RANBP2: variants seen among roughly 807,000 people sequenced by gnomAD.
RANBP2 encodes E3 SUMO-protein ligase RanBP2.
A neutral mutation model predicts 303.6 loss-of-function variants in RANBP2; 57 were observed. That is an observed-to-expected ratio of 0.19 (90% CI 0.15 to 0.23). The LOEUF (loss-of-function observed/expected upper bound fraction) is 0.23. RANBP2 is among the 10% of genes least tolerant of loss of function. The pLI, the probability that RANBP2 is intolerant of heterozygous loss-of-function variation, is 1.00. For synonymous variants in RANBP2, 1,167 were observed against 1,301.5 expected (o/e 0.90, Z 2.23); for missense variants, 3,138 against 3,780.8 (o/e 0.83, Z 4.46).
At chr2:109,365,622 C>T in the RANBP2 span, among the ~76,000 whole-genome samples, 1 of 152,138 alleles carries the variant, frequency 6.6e-6, no homozygotes, top group Non-Finnish European at 1.5e-5. Context: ...TGCTAATACA[C>T]CTTTAACAAC....
chr2:108,979,908 G>A, the RANBP2 span, among the ~76,000 whole-genome samples: 1,559 of 152,266 alleles, frequency 0.01, 20 homozygotes, highest in Middle Eastern at 0.02. Context: ...ACTGCTGGGC[G>A]GTGGGAAGCA....
the RANBP2 span, among the ~76,000 whole-genome samples, chr2:109,035,313 T>TG: frequency 1.3e-5 from 2 of 151,990 alleles, no homozygotes; most frequent in Non-Finnish European, 2.9e-5. Context: ...TCCCCCAAGA[T>TG]GGAGAGTCCC....
chr2:109,736,758 A>G, the RANBP2 span, among the ~76,000 whole-genome samples: 2 of 152,164 alleles, frequency 1.3e-5, no homozygotes, highest in Non-Finnish European at 2.9e-5. Flanking sequence ...GTTTTAATGA[A>G]TGAGAGGAGC....
the RANBP2 span, among the ~76,000 whole-genome samples, chr2:108,887,161 T>C: frequency 6.6e-6 from 1 of 151,636 alleles, no homozygotes; most frequent in East Asian, 1.9e-4. Flanking sequence ...TGTTTAGTTC[T>C]TTTTGGCTTT....
At chr2:109,434,355 T>C in the RANBP2 span, among the ~76,000 whole-genome samples, 212 of 152,356 alleles carry the variant, frequency 1.4e-3, no homozygotes, top group African/African-American at 4.3e-3. Context: ...GCTTCCCAGT[T>C]TCCAGTTTCT....
At chr2:109,470,875 G>A in the RANBP2 span, among the ~76,000 whole-genome samples, 1 of 152,204 alleles carries the variant, frequency 6.6e-6, no homozygotes, top group Non-Finnish European at 1.5e-5. Context: ...CTCTTCTGTT[G>A]CCTGAGGCAG....
the RANBP2 span, among the ~76,000 whole-genome samples, chr2:109,459,322 A>G: frequency 3.3e-5 from 5 of 152,140 alleles, no homozygotes; most frequent in African/African-American, 4.8e-5. Context: ...TCACATGGTC[A>G]TGGCTGGTAT....
the RANBP2 span, chr2:108,873,704 C>T: frequency 1.6e-6 from 1 of 630,900 alleles, no homozygotes; most frequent in East Asian, 2.8e-5. Flanking sequence ...AGAAGAATTG[C>T]CTTGTGCCAC....
chr2:109,631,812 G>T, the RANBP2 span, among the ~76,000 whole-genome samples: 5 of 152,008 alleles, frequency 3.3e-5, no homozygotes, highest in Non-Finnish European at 7.4e-5. Flanking sequence ...CAAATAATTT[G>T]TCTAGTCTTT....
At chr2:109,078,098 A>ATATATATATATATATATATAGCGTG in the RANBP2 span, among the ~76,000 whole-genome samples, 3 of 60,062 alleles carry the variant, frequency 5.0e-5, no homozygotes, top group African/African-American at 1.7e-4. Flanking sequence ...ATATATATAT[A>ATATATATATATATATATATAGCGTG]TATATATATA....
the RANBP2 span, among the ~76,000 whole-genome samples, chr2:109,280,199 G>A: frequency 6.6e-6 from 1 of 152,170 alleles, no homozygotes; most frequent in Admixed American, 6.5e-5. Context: ...CTGCACTAGT[G>A]AATGCCCGTG....
At chr2:109,552,177 T>C in the RANBP2 span, among the ~76,000 whole-genome samples, 1 of 152,150 alleles carries the variant, frequency 6.6e-6, no homozygotes, top group Non-Finnish European at 1.5e-5. Flanking sequence ...GCTGGAACAG[T>C]TTCATCCTGA....
At chr2:109,308,316 G>T in the RANBP2 span, among the ~76,000 whole-genome samples, 3 of 113,800 alleles carry the variant, frequency 2.6e-5, 1 homozygote, top group African/African-American at 1.4e-4. Flanking sequence ...GTAGATTCTG[G>T]ATATTAGCCC....
the RANBP2 span, chr2:109,616,074 C>A: frequency 5.3e-6 from 8 of 1,495,902 alleles, no homozygotes; most frequent in Admixed American, 1.5e-4. Flanking sequence ...GTAAAAATTG[C>A]TTCTTTTAGA....
At chr2:109,068,258 T>C in the RANBP2 span, among the ~76,000 whole-genome samples, 5 of 152,208 alleles carry the variant, frequency 3.3e-5, no homozygotes, top group Admixed American at 2.0e-4. Flanking sequence ...TGTCAGTGTC[T>C]ACAGACATTT....
chr2:108,872,946 G>C, the RANBP2 span, among the ~76,000 whole-genome samples: 110,822 of 152,120 alleles, frequency 0.73, 43,101 homozygotes, highest in East Asian at 0.95. Context: ...AAATGTGAGA[G>C]TAGTCTTTTT....
the RANBP2 span, among the ~76,000 whole-genome samples, chr2:109,267,953 C>G: frequency 6.6e-6 from 1 of 152,012 alleles, no homozygotes; most frequent in East Asian, 2.0e-4. Flanking sequence ...GAGGACAGAG[C>G]ACCCCAGCTC....
At chr2:108,720,400 C>T (rs926255752) in intron 1 of RANBP2, among the ~76,000 whole-genome samples, 3 of 151,492 alleles carry the variant, frequency 2.0e-5, no homozygotes, top group Non-Finnish European at 2.9e-5. Context: ...GTTAGTATGG[C>T]TTGCAATTTT....
chr2:109,339,005 T>C, the RANBP2 span, among the ~76,000 whole-genome samples: 1 of 152,214 alleles, frequency 6.6e-6, no homozygotes, highest in Admixed American at 6.5e-5. Flanking sequence ...AAAGAAATTG[T>C]TATTTAAAAA....
Sources: gnomAD v4.1 joint callset for allele counts (sites outside exome capture counted in the v4.1 genomes callset) on GRCh38, gnomAD v4.1.1 for gene constraint, MANE v1.5 for transcripts, NCBI Gene and HGNC (gene_info 2026-07-23, HGNC 2026-07-21) for gene names.